Variants in RNF152 observed in about 807,000 individuals in gnomAD.
RNF152 encodes the protein ring finger protein 152.
RNF152 carries 11 observed loss-of-function variants against 12.7 expected under a neutral mutation model. The ratio of observed to expected loss-of-function variants is 0.86; its 90% CI spans 0.54 to 1.43. RNF152 has a LOEUF of 1.43. RNF152 is among the 40% of genes most tolerant of loss of function. The probability of loss-of-function intolerance (pLI) is 0.00; values close to 1 mark genes in which losing one functional copy is unlikely to be tolerated. For synonymous variants in RNF152, 113 were observed against 120.3 expected (o/e 0.94, Z 0.40); for missense variants, 255 against 274.8 (o/e 0.93, Z 0.51).
intron 1 of RNF152, among the ~76,000 whole-genome samples, chr18:61,841,920 T>C (rs770535779): frequency 6.6e-6 from 1 of 152,218 alleles, no homozygotes; most frequent in Non-Finnish European, 1.5e-5. Context: ...ACTCTACCAC[T>C]GTAACAGAAA....
chr18:61,889,141 G>T lies in RNF152; in HGVS notation c.-136+3654C>A, dbSNP rs114747183. Among the ~76,000 whole-genome samples the T allele has an allele frequency of 8.8e-3, 1,341 of 152,176 alleles. 23 individuals carry two copies. The highest frequency in any genetic ancestry group is 0.031 in the African/African-American group (1,284 of 41,480). ...GCTGCTCATCTCCCAATTCAGAAAC[G>T]CTTTGGGTGCTACATCTTATCACTT... On this transcript the variant is annotated intron_variant, in intron 1 of 1. Coordinates refer to ENST00000312828, the MANE Select transcript of RNF152 (RefSeq NM_173557.3).
chr18:61,893,975 G>T (rs1599336763), upstream of RNF152, among the ~76,000 whole-genome samples: 1 of 135,680 alleles, frequency 7.4e-6, no homozygotes, highest in East Asian at 2.4e-4. Context: ...CTGCGGCCCC[G>T]CCACCCCCTC....
intron 1 of RNF152, among the ~76,000 whole-genome samples, chr18:61,873,000 A>G (rs2144740601): frequency 6.6e-6 from 1 of 152,268 alleles, no homozygotes; most frequent in South Asian, 2.1e-4. Context: ...CAAAATTTTG[A>G]AAGATTAATA....
chr18:61,874,334 A>G (rs1912124026), intron 1 of RNF152, among the ~76,000 whole-genome samples: 1 of 152,242 alleles, frequency 6.6e-6, no homozygotes, highest in African/African-American at 2.4e-5. Context: ...GATAGCCAAC[A>G]TATTGTATTT....
chr18:61,861,642 G>A (rs577279884), intron 1 of RNF152, among the ~76,000 whole-genome samples: 1 of 152,310 alleles, frequency 6.6e-6, no homozygotes, highest in South Asian at 2.1e-4. Context: ...AAAGAAAACA[G>A]GTTTATGTAG....
intron 1 of RNF152, among the ~76,000 whole-genome samples, chr18:61,838,139 A>T (rs1453093915): frequency 2.0e-5 from 3 of 152,224 alleles, no homozygotes; most frequent in Non-Finnish European, 2.9e-5. Context: ...AAGCTGCATT[A>T]TAATTACTTT....
intron 1 of RNF152, among the ~76,000 whole-genome samples, chr18:61,876,674 G>A (rs1568292151): frequency 6.6e-6 from 1 of 152,104 alleles, no homozygotes; most frequent in Non-Finnish European, 1.5e-5. Flanking sequence ...TGTGACCTCA[G>A]GAAAGTCATT....
chr18:61,883,891 A>G lies in RNF152; in HGVS notation c.-136+8904T>C, dbSNP rs371786067. 1.4e-4 allele frequency among the ~76,000 whole-genome samples: 22 copies of G among 152,290 alleles called. No homozygotes were observed. In the South Asian group the frequency reaches 1.9e-3, roughly 13 times the overall value. On this transcript the variant is annotated intron_variant, in intron 1 of 1. Coordinates refer to ENST00000312828, the MANE Select transcript of RNF152 (RefSeq NM_173557.3). ...AGAAGGCCTATCATTTTAAACTCAG[A>G]GCCACTGAAAGCTTTACAGACTTTC...
chr18:61,823,588 C>T (rs1039564607), intron 1 of RNF152, among the ~76,000 whole-genome samples: 1 of 152,260 alleles, frequency 6.6e-6, no homozygotes, highest in African/African-American at 2.4e-5. Flanking sequence ...CGTGAGCCAC[C>T]ACGCCCAGCC....
chr18:61,876,108 A>G (rs896262471), intron 1 of RNF152, among the ~76,000 whole-genome samples: 2 of 152,188 alleles, frequency 1.3e-5, no homozygotes, highest in African/African-American at 2.4e-5. Flanking sequence ...GGAAGACAGG[A>G]GCCACTTACC....
chr18:61,892,567 T>G (rs954158776), intron 1 of RNF152, among the ~76,000 whole-genome samples: 1 of 152,236 alleles, frequency 6.6e-6, no homozygotes, highest in African/African-American at 2.4e-5. Flanking sequence ...AGGTGGGATT[T>G]CTACAATCCC....
Position 61,816,485 on chromosome 18 carries a change from G to A in RNF152, c.-22C>T. On this transcript the variant is annotated 5_prime_UTR_variant, in exon 2 of 2. Coordinates refer to ENST00000312828, the MANE Select transcript of RNF152 (RefSeq NM_173557.3). ...CCATGGTGGACCGTGAGCAGGAAGGGCAAGGCCAAGGTGAAGGGGAAGGAG... is the reference window on the plus strand; with the variant it reads ...CCATGGTGGACCGTGAGCAGGAAGGACAAGGCCAAGGTGAAGGGGAAGGAG... 1.3e-6 allele frequency: 2 copies of A among 1,577,910 alleles called. No individual in the cohort carries two copies. The highest frequency in any genetic ancestry group is 3.7e-4 in the Middle Eastern group (2 of 5,404).
At chr18:61,881,223 G>A (rs188041823) in intron 1 of RNF152, among the ~76,000 whole-genome samples, 4 of 152,050 alleles carry the variant, frequency 2.6e-5, no homozygotes, top group Admixed American at 6.5e-5. Flanking sequence ...TCTCTCTCTC[G>A]TTTTCTTATT....
intron 1 of RNF152, among the ~76,000 whole-genome samples, chr18:61,829,508 T>G (rs375827642): frequency 0.31 from 45,039 of 145,732 alleles, 7,082 homozygotes; most frequent in Non-Finnish European, 0.35. Context: ...GAGAGAGATA[T>G]ATATATATCA....
chr18:61,836,301 A>T (rs1306983254), intron 1 of RNF152, among the ~76,000 whole-genome samples: 2 of 152,002 alleles, frequency 1.3e-5, no homozygotes, highest in Non-Finnish European at 2.9e-5. Flanking sequence ...ATTTGGAAAC[A>T]TTTGAATATT....
intron 1 of RNF152, among the ~76,000 whole-genome samples, chr18:61,823,950 C>G (rs1288570217): frequency 6.6e-6 from 1 of 152,264 alleles, no homozygotes; most frequent in Non-Finnish European, 1.5e-5. Context: ...CGCTACAAAA[C>G]TCAACTAACC....
chr18:61,876,243 C>A (rs1365863258), intron 1 of RNF152, among the ~76,000 whole-genome samples: 1 of 152,218 alleles, frequency 6.6e-6, no homozygotes, highest in East Asian at 1.9e-4. Flanking sequence ...AATTCCACTA[C>A]CATTTCATTC....
chr18:61,892,260 C>T (rs1912996610), intron 1 of RNF152, among the ~76,000 whole-genome samples: 1 of 152,190 alleles, frequency 6.6e-6, no homozygotes, highest in Non-Finnish European at 1.5e-5. Flanking sequence ...CCTTCCACCT[C>T]CCAGTACTCA....
intron 1 of RNF152, among the ~76,000 whole-genome samples, chr18:61,876,109 G>A (rs142585891): frequency 6.6e-6 from 1 of 152,264 alleles, no homozygotes; most frequent in East Asian, 1.9e-4. Flanking sequence ...GAAGACAGGA[G>A]CCACTTACCC....
Sources: gnomAD v4.1 joint callset for allele counts (sites outside exome capture counted in the v4.1 genomes callset) on GRCh38, gnomAD v4.1.1 for gene constraint, MANE v1.5 for transcripts, NCBI Gene and HGNC (gene_info 2026-07-23, HGNC 2026-07-21) for gene names.